The following CADM2 variants were observed in gnomAD, a reference collection of about 807,000 sequenced individuals.
The protein encoded by CADM2 is immunoglobulin superfamily member 4D.
Under a neutral mutation model 49.8 loss-of-function variants are expected in CADM2, and 12 were observed. The ratio of observed to expected loss-of-function variants is 0.24; its 90% confidence interval spans 0.15 to 0.39. The LOEUF is 0.39. CADM2 is among the 10% of genes least tolerant of loss of function. The probability of loss-of-function intolerance (pLI) is 1.00; values close to 1 mark genes in which losing one functional copy is unlikely to be tolerated. For synonymous variants in CADM2, 214 were observed against 175.4 expected (o/e 1.22, Z -1.74); for missense variants, 378 against 492.3 (o/e 0.77, Z 2.20).
At chr3:85,247,725 G>T (rs1006525819) in intron 1 of CADM2, among the ~76,000 whole-genome samples, 5 of 152,086 alleles carry the variant, frequency 3.3e-5, no homozygotes, top group Non-Finnish European at 5.9e-5. Flanking sequence ...TTTCTAGAAT[G>T]TTTGCTGATG....
chr3:85,905,216 T>C (rs1350291855), intron 5 of CADM2, among the ~76,000 whole-genome samples: 1 of 152,126 alleles, frequency 6.6e-6, no homozygotes, highest in Admixed American at 6.6e-5. Context: ...TTACAATGGC[T>C]GTGGAAAATA....
intron 1 of CADM2, among the ~76,000 whole-genome samples, chr3:85,648,643 G>C (rs958146838): frequency 6.6e-6 from 1 of 151,948 alleles, no homozygotes; most frequent in South Asian, 2.1e-4. Context: ...TAGGAATGCT[G>C]TTAAAGAAAT....
At chr3:85,858,542 A>G (rs187619503) in intron 3 of CADM2, among the ~76,000 whole-genome samples, 1 of 152,356 alleles carries the variant, frequency 6.6e-6, no homozygotes, top group East Asian at 1.9e-4. Context: ...TTCAACTCAC[A>G]TGTCTCATTC....
At chr3:85,740,627 A>G (rs1247311694) in intron 2 of CADM2, among the ~76,000 whole-genome samples, 3 of 151,948 alleles carry the variant, frequency 2.0e-5, no homozygotes, top group African/African-American at 4.8e-5. Flanking sequence ...TTTTGTATCT[A>G]TGCAGTTTAC....
At chr3:85,972,975 C>T (rs895949407) in intron 8 of CADM2, among the ~76,000 whole-genome samples, 11 of 151,602 alleles carry the variant, frequency 7.3e-5, no homozygotes, top group African/African-American at 9.7e-5. Flanking sequence ...TGAAAACCTG[C>T]GTTTAGAATA....
At chr3:85,006,480 A>C (rs72917451) in intron 1 of CADM2, among the ~76,000 whole-genome samples, 1 of 152,290 alleles carries the variant, frequency 6.6e-6, no homozygotes, top group African/African-American at 2.4e-5. Flanking sequence ...TAAACATATG[A>C]CTTATTCTAG....
chr3:85,865,093 G>A lies in CADM2; in HGVS notation c.239-18198G>A, dbSNP rs550946564. 3.9e-5 allele frequency among the ~76,000 whole-genome samples: 6 copies of A among 152,344 alleles called. No individual in the cohort carries two copies. The East Asian group carries it at 1.2e-3, about 29-fold the overall frequency. ...AGTTCTTGTTTATAAGGCTGTGTCTGTGTTCTCACTGCTACAGGCCTGCAA... is the reference window on the plus strand; with the variant it reads ...AGTTCTTGTTTATAAGGCTGTGTCTATGTTCTCACTGCTACAGGCCTGCAA... On this transcript the variant is annotated intron_variant, in intron 3 of 9. Coordinates refer to ENST00000383699, the MANE Select transcript of CADM2 (RefSeq NM_001167675.2).
At chr3:85,246,525 A>G (rs2042650996) in intron 1 of CADM2, among the ~76,000 whole-genome samples, 1 of 152,122 alleles carries the variant, frequency 6.6e-6, no homozygotes, top group South Asian at 2.1e-4. Context: ...TTAATACCAA[A>G]TGGCACAAGT....
intron 1 of CADM2, chr3:85,385,661 T>A (rs1437121053): frequency 6.6e-6 from 1 of 152,048 alleles, no homozygotes; most frequent in South Asian, 2.1e-4. Flanking sequence ...TATTCTTTTT[T>A]AATTATGTTC....
Position 85,110,256 on chromosome 3 carries a change from CAGAG to C in CADM2, c.61+150602_61+150605del, listed in dbSNP as rs141259874. Among the ~76,000 whole-genome samples, 18 of 149,506 alleles carry C rather than the reference CAGAG, an allele frequency of 1.2e-4. No homozygotes were observed. In the South Asian group the frequency reaches 2.7e-3, roughly 23 times the overall value. On this transcript the variant is annotated intron_variant, in intron 1 of 9. Transcript: ENST00000383699. ...TCGTATAGATAAGATTCCAGAGAGA[CAGAG>C]AGAGAGAGAGAGAATAAGAGAGAAA...
At chr3:85,586,071 C>T (rs1461055031) in intron 1 of CADM2, among the ~76,000 whole-genome samples, 3 of 151,874 alleles carry the variant, frequency 2.0e-5, no homozygotes, top group Non-Finnish European at 4.4e-5. Context: ...AAAGGGGAGC[C>T]ATCACTCATT....
intron 1 of CADM2, among the ~76,000 whole-genome samples, chr3:85,710,600 G>T (rs1300818709): frequency 6.6e-6 from 1 of 152,076 alleles, no homozygotes; most frequent in African/African-American, 2.4e-5. Context: ...AACATTGATT[G>T]AGGACAGTTT....
intron 1 of CADM2, among the ~76,000 whole-genome samples, chr3:85,293,483 C>A (rs1350203608): frequency 1.4e-5 from 2 of 138,810 alleles, no homozygotes; most frequent in African/African-American, 2.8e-5. Context: ...GAGACACAAC[C>A]AAAAAAGAGA....
intron 2 of CADM2, among the ~76,000 whole-genome samples, chr3:85,754,498 GC>G (rs1189023136): frequency 3.3e-5 from 5 of 152,134 alleles, no homozygotes; most frequent in African/African-American, 1.2e-4. Context: ...TATTTGAGTA[GC>G]TTTTTACTTG....
intron 8 of CADM2, among the ~76,000 whole-genome samples, chr3:85,999,286 T>C (rs549902300): frequency 9.0e-4 from 136 of 150,782 alleles, no homozygotes; most frequent in Non-Finnish European, 1.5e-3. Flanking sequence ...GGTGGATCAC[T>C]TGAGTTCAGG....
At chr3:86,066,548 G>T (rs1364189927) in intron 9 of CADM2, 117 bp from the exon 10 acceptor site, 2 of 726,048 alleles carry the variant, frequency 2.8e-6, no homozygotes, top group South Asian at 1.7e-5. Flanking sequence ...GAGTCAATCG[G>T]GTAGCATATT....
chr3:85,493,867 A>G (rs2039777544), intron 1 of CADM2, among the ~76,000 whole-genome samples: 1 of 152,216 alleles, frequency 6.6e-6, no homozygotes, highest in South Asian at 2.1e-4. Flanking sequence ...GCTTTCTCCT[A>G]TCTGATAAAA....
chr3:85,836,887 CAT>C (rs2074432924), intron 3 of CADM2, among the ~76,000 whole-genome samples: 2 of 151,534 alleles, frequency 1.3e-5, no homozygotes. Flanking sequence ...CAAGAACAAA[CAT>C]AGTTCAGATA....
At chr3:85,744,595 G>A (rs1052978394) in intron 2 of CADM2, among the ~76,000 whole-genome samples, 8 of 152,170 alleles carry the variant, frequency 5.3e-5, no homozygotes, top group African/African-American at 1.9e-4. Context: ...AGAAGACGAT[G>A]TTTGGACAGA....
Sources: gnomAD v4.1 joint callset for allele counts (sites outside exome capture counted in the v4.1 genomes callset) on GRCh38, gnomAD v4.1.1 for gene constraint, MANE v1.5 for transcripts, NCBI Gene and HGNC (gene_info 2026-07-23, HGNC 2026-07-21) for gene names.